Variants in KANSL3 observed in about 807,000 individuals in gnomAD.
KANSL3 encodes NSL complex protein NSL3.
A neutral mutation model predicts 89.2 loss-of-function variants in KANSL3; 16 were observed. The observed-to-expected ratio is 0.18, with a 90% CI of 0.12 to 0.27. The LOEUF (loss-of-function observed/expected upper bound fraction) is 0.27, where lower values mean the gene tolerates loss of function less well. Ranked by LOEUF, KANSL3 falls within the 10% of genes least tolerant of loss-of-function variation. The probability of loss-of-function intolerance (pLI) is 1.00; values close to 1 mark genes in which losing one functional copy is unlikely to be tolerated. For synonymous variants in KANSL3, 385 were observed against 419.7 expected (o/e 0.92, Z 1.01); for missense variants, 879 against 1,110.6 (o/e 0.79, Z 2.96).
At chr2:96,636,482 G>C (rs1040223781) in intron 2 of KANSL3, among the ~76,000 whole-genome samples, 1 of 152,202 alleles carries the variant, frequency 6.6e-6, no homozygotes, top group African/African-American at 2.4e-5. Context: ...CCTAACCTTC[G>C]TGTGTGAAAC....
At chr2:96,597,201 C>T (rs564515531) in intron 20 of KANSL3, among the ~76,000 whole-genome samples, 3 of 152,106 alleles carry the variant, frequency 2.0e-5, no homozygotes, top group Non-Finnish European at 2.9e-5. Context: ...TTAACAATTC[C>T]GTAATATCAA....
At chr2:96,585,908 G>A in the KANSL3 span, among the ~76,000 whole-genome samples, 1 of 152,156 alleles carries the variant, frequency 6.6e-6, no homozygotes, top group African/African-American at 2.4e-5. Flanking sequence ...TGGGAGCTAA[G>A]CTATAAGGAC....
intron 20 of KANSL3, among the ~76,000 whole-genome samples, chr2:96,596,649 CA>C (rs1037734763): frequency 8.5e-5 from 13 of 152,202 alleles, no homozygotes; most frequent in Non-Finnish European, 1.6e-4. Context: ...CAATCAAAAA[CA>C]AAAACAAAAC....
In KANSL3 at chr2:96,594,475, A is replaced by G. The variant is rs1206483538; in HGVS notation, c.*1136T>C. On this transcript the variant is annotated 3_prime_UTR_variant, in exon 21 of 21. Transcript: ENST00000431828. ...CTCAGGTTGGTACCAACAGCCCTGC[A>G]TAGTAGAGTCACTGTCAATCATCTT... The G allele has an allele frequency of 2.6e-5, 4 of 152,198 alleles. No homozygotes were observed. In the East Asian group the frequency reaches 7.7e-4, roughly 29 times the overall value. 9.4% of individuals were successfully genotyped at this position (152,198 alleles called of 1,614,324 possible). A position where few individuals can be genotyped will look rare whatever the true frequency, so the allele number is the denominator to read the frequency against.
intron 2 of KANSL3, among the ~76,000 whole-genome samples, chr2:96,632,280 A>G (rs916321281): frequency 6.6e-6 from 1 of 152,188 alleles, no homozygotes; most frequent in Non-Finnish European, 1.5e-5. Context: ...CCAGTTTGGC[A>G]ATATGGCAAA....
intron 5 of KANSL3, among the ~76,000 whole-genome samples, chr2:96,618,119 C>A (rs2070549000): frequency 6.6e-6 from 1 of 151,738 alleles, no homozygotes; most frequent in Non-Finnish European, 1.5e-5. Context: ...GATAGTGCCA[C>A]TGCACTCCAG....
chr2:96,604,205 C>T (rs1306776018), intron 17 of KANSL3, 45 bp downstream of exon 17: 2 of 1,546,548 alleles, frequency 1.3e-6, no homozygotes, highest in Non-Finnish European at 1.7e-6. Context: ...AGCAGCAGAC[C>T]AAAAATTCTG....
chr2:96,611,884 T>C (rs968244785), intron 9 of KANSL3, among the ~76,000 whole-genome samples: 23 of 134,464 alleles, frequency 1.7e-4, no homozygotes, highest in African/African-American at 3.0e-4. Flanking sequence ...TTTTTTTTTT[T>C]CCACAGATAT....
At chr2:96,627,238 G>C (rs775586102) in intron 3 of KANSL3, among the ~76,000 whole-genome samples, 1 of 151,326 alleles carries the variant, frequency 6.6e-6, no homozygotes, top group Non-Finnish European at 1.5e-5. Flanking sequence ...TTTTTGAGAC[G>C]GAGTCTTGCT....
chr2:96,605,349 C>T lies in KANSL3; in HGVS notation c.1904G>A (p.Cys635Tyr). The T allele has an allele frequency of 6.2e-7, 1 of 1,613,024 alleles. No homozygotes were observed. The highest frequency in any genetic ancestry group is 8.5e-7 in the Non-Finnish European group (1 of 1,179,548). ...ISQGDTAGGPCAPSQGSAPEA... is the reference protein window; with the variant it reads ...ISQGDTAGGPYAPSQGSAPEA... ...TGGAGCACTTCCTTGGGAAGGAGCA[C>T]AAGGCCCTCCAGCTGTGTCCCCTTG... The change falls in exon 15 of 21, where the codon TGT becomes TAT. Residue 635 changes from cysteine to tyrosine, a missense_variant. This residue lies in a region of KANSL3 where 317 missense variants were observed against 311.2 expected (regional missense o/e 1.02). Transcript: ENST00000431828.
chr2:96,582,038 T>C, the KANSL3 span, among the ~76,000 whole-genome samples: 1 of 152,192 alleles, frequency 6.6e-6, no homozygotes, highest in African/African-American at 2.4e-5. Flanking sequence ...CCCTAAGGTG[T>C]TATTCACTAT....
downstream of KANSL3, among the ~76,000 whole-genome samples, chr2:96,588,441 AAG>A (rs2066254925): frequency 6.6e-6 from 1 of 152,224 alleles, no homozygotes. Context: ...GGAAAATTAA[AAG>A]AATGTGTTGC....
intron 3 of KANSL3, among the ~76,000 whole-genome samples, chr2:96,621,508 T>C (rs935668294): frequency 6.0e-5 from 9 of 150,206 alleles, no homozygotes; most frequent in Admixed American, 3.3e-4. Flanking sequence ...AGTGAGACTC[T>C]GTCTTGAAAA....
chr2:96,593,635 GT>G lies in KANSL3; in HGVS notation c.*1975del, dbSNP rs1327394158. On this transcript the variant is annotated 3_prime_UTR_variant, in exon 21 of 21. Coordinates refer to ENST00000431828, the MANE Select transcript of KANSL3 (RefSeq NM_001115016.3). ...ATCACACCTCAGGAAGTCATCCCTT[GT>G]AAGCACACTAGAATTTATCATAAAG... 2 of 241,620 alleles carry G rather than the reference GT, an allele frequency of 8.3e-6. No homozygotes were observed. Among genetic ancestry groups the G allele is most frequent in the Non-Finnish European group, 1.7e-5 (2 of 118,844 alleles). 15.0% of individuals were successfully genotyped at this position (241,620 alleles called of 1,614,324 possible).
At position 96,599,131 on chromosome 2, in the gene KANSL3, G is replaced by C. The variant is rs182805308; in HGVS notation, c.2616+2512C>G. 4.6e-4 allele frequency among the ~76,000 whole-genome samples: 70 copies of C among 152,246 alleles called. 1 individual carries two copies. Among genetic ancestry groups the C allele is most frequent in the African/African-American group, 1.7e-3 (69 of 41,554 alleles). ...TAGGATAGACAAATTCAAAACTACA[G>C]AACAGGCCCATATGTGTTCAGTACT... On this transcript the variant is annotated intron_variant, in intron 20 of 20. Coordinates refer to ENST00000431828, the MANE Select transcript of KANSL3 (RefSeq NM_001115016.3).
intron 20 of KANSL3, 170 bp downstream of exon 20, chr2:96,601,473 T>G: frequency 1.4e-6 from 2 of 1,380,506 alleles, no homozygotes; most frequent in Non-Finnish European, 1.9e-6. Flanking sequence ...CTCAAAGATG[T>G]CCATGATTCG....
At chr2:96,637,892 G>T (rs1371586819) in intron 1 of KANSL3, 3 of 152,326 alleles carry the variant, frequency 2.0e-5, no homozygotes, top group African/African-American at 7.2e-5. Context: ...TGCCCCGCAG[G>T]CGTTCCCGCC....
intron 20 of KANSL3, among the ~76,000 whole-genome samples, chr2:96,599,182 A>G (rs2066851938): frequency 6.6e-6 from 1 of 152,228 alleles, no homozygotes. Flanking sequence ...AGTGGATTTT[A>G]GATGAGTGGA....
the KANSL3 span, among the ~76,000 whole-genome samples, chr2:96,583,624 A>G: frequency 6.6e-6 from 1 of 152,230 alleles, no homozygotes; most frequent in Admixed American, 6.5e-5. Flanking sequence ...GTTCCACTAT[A>G]TGAAAATACT....
Sources: gnomAD v4.1 joint callset for allele counts (sites outside exome capture counted in the v4.1 genomes callset) on GRCh38, gnomAD v4.1.1 for gene constraint, gnomAD v4.1.1 regional missense constraint, MANE v1.5 for transcripts, NCBI Gene and HGNC (gene_info 2026-07-23, HGNC 2026-07-21) for gene names.